The following NFATC3 variants were observed in gnomAD, a reference collection of about 807,000 sequenced individuals.
NFATC3 encodes the protein nuclear factor of activated T cells 3, also known as nuclear factor of activated T-cells, cytoplasmic 3.
Under a neutral mutation model 98.6 loss-of-function variants are expected in NFATC3, and 46 were observed. The ratio of observed to expected loss-of-function variants is 0.47; its 90% CI spans 0.37 to 0.60. NFATC3 has a LOEUF of 0.60. Among genes scored for constraint, NFATC3 ranks in the 20% least tolerant of loss-of-function variants. NFATC3 has a pLI of 0.00. For missense variants in NFATC3, 1,256 were observed against 1,295.5 expected, an observed-to-expected ratio of 0.97 and a Z score of 0.47; for synonymous variants, 512 against 472.2, an observed-to-expected ratio of 1.08 and a Z score of -1.09.
At chr16:68,133,884 TAA>T (rs529456671) in intron 3 of NFATC3, among the ~76,000 whole-genome samples, 3 of 147,144 alleles carry the variant, frequency 2.0e-5, no homozygotes, top group Non-Finnish European at 1.5e-5. Flanking sequence ...CCCTTTTTTT[TAA>T]AAAAAAAAAA....
chr16:68,150,088 T>C (rs752457191), intron 3 of NFATC3, among the ~76,000 whole-genome samples: 33 of 152,232 alleles, frequency 2.2e-4, no homozygotes, highest in Non-Finnish European at 7.3e-5. Flanking sequence ...GTATGAATTA[T>C]AATAAAGAAT....
At chr16:68,118,033 C>A (rs1040724959) in intron 1 of NFATC3, among the ~76,000 whole-genome samples, 6 of 152,122 alleles carry the variant, frequency 3.9e-5, no homozygotes, top group African/African-American at 1.4e-4. Context: ...CTAGCTCTAC[C>A]CTTTCAGTTG....
In NFATC3 at chr16:68,186,235, G is replaced by A. The variant is rs2040194938; in HGVS notation, c.2098+2869G>A. 2.0e-5 allele frequency among the ~76,000 whole-genome samples: 3 copies of A among 151,872 alleles called. No individual in the cohort carries two copies. In the South Asian group the frequency reaches 6.2e-4, roughly 32 times the overall value. On this transcript the variant is annotated intron_variant, in intron 8 of 9. Coordinates refer to ENST00000346183, the MANE Select transcript of NFATC3 (RefSeq NM_173165.3). ...CTGTAATTAAAAAAAAAAAAAGACAGGTGGAAAGACTATATTAAAACATTC... is the reference window on the plus strand; with the variant it reads ...CTGTAATTAAAAAAAAAAAAAGACAAGTGGAAAGACTATATTAAAACATTC...
intron 9 of NFATC3, among the ~76,000 whole-genome samples, chr16:68,224,306 T>G (rs1033596815): frequency 1.4e-5 from 2 of 144,418 alleles, no homozygotes; most frequent in Non-Finnish European, 3.0e-5. Context: ...AGACAGAGTC[T>G]CACTCTGTTG....
intron 6 of NFATC3, 88 bp downstream of exon 6, chr16:68,174,602 A>T: frequency 8.7e-7 from 1 of 1,155,314 alleles, no homozygotes; most frequent in Non-Finnish European, 1.1e-6. Flanking sequence ...AAAATTACAA[A>T]GTAGTTTTCA....
intron 5 of NFATC3, among the ~76,000 whole-genome samples, chr16:68,171,619 A>G (rs949468790): frequency 5.3e-5 from 8 of 151,572 alleles, no homozygotes; most frequent in African/African-American, 1.9e-4. Context: ...GATTACAGGC[A>G]TGCACCACTG....
chr16:68,150,248 A>G (rs1250525394), intron 3 of NFATC3, among the ~76,000 whole-genome samples: 1 of 152,056 alleles, frequency 6.6e-6, no homozygotes, highest in African/African-American at 2.4e-5. Context: ...CCATTTTGTA[A>G]TGCTACTTTA....
At position 68,190,910 on chromosome 16, in the gene NFATC3, G is replaced by A; in HGVS notation, c.2241G>A (p.Leu747=). The A allele has an allele frequency of 6.2e-7, 1 of 1,614,188 alleles. No homozygotes were observed. The change falls in exon 9 of 10, where the codon TTG becomes TTA. Residue 747 remains leucine, a synonymous_variant. Coordinates refer to ENST00000346183, the MANE Select transcript of NFATC3 (RefSeq NM_173165.3). ...HDSVLSGQRS[L]ICSIPQTYAS... Reference sequence around the variant, plus strand: ...GTGTACTGTCAGGACAGAGAAGTTTGATTTGCTCCATCCCACAAACATATG... The same window carrying A: ...GTGTACTGTCAGGACAGAGAAGTTTAATTTGCTCCATCCCACAAACATATG...
At chr16:68,163,674 C>T (rs1160176220) in intron 4 of NFATC3, among the ~76,000 whole-genome samples, 2 of 151,266 alleles carry the variant, frequency 1.3e-5, no homozygotes, top group East Asian at 2.0e-4. Flanking sequence ...AGGGTCTCCT[C>T]ACTTCTCTGA....
chr16:68,185,295 T>C (rs2040138326), intron 8 of NFATC3, among the ~76,000 whole-genome samples: 3 of 152,150 alleles, frequency 2.0e-5, no homozygotes, highest in Admixed American at 2.0e-4. Flanking sequence ...TAATTTTCTT[T>C]TTCCTCCCTT....
At chr16:68,138,832 T>C in intron 3 of NFATC3, 2 of 1,202,112 alleles carry the variant, frequency 1.7e-6, no homozygotes, top group Non-Finnish European at 2.1e-6. Context: ...CACACAGGAA[T>C]AAATCATGGC....
At chr16:68,220,757 CAAA>C (rs11372732) in intron 9 of NFATC3, among the ~76,000 whole-genome samples, 1 of 132,508 alleles carries the variant, frequency 7.5e-6, no homozygotes, top group Non-Finnish European at 1.6e-5. Context: ...AAAAAAAATA[CAAA>C]AAAAAAAAAA....
intron 1 of NFATC3, among the ~76,000 whole-genome samples, chr16:68,119,824 G>A (rs2036478229): frequency 6.6e-6 from 1 of 152,062 alleles, no homozygotes; most frequent in Non-Finnish European, 1.5e-5. Flanking sequence ...TTACCATGGT[G>A]TTTTTAGTAT....
At chr16:68,129,671 C>CTT (rs568596333) in intron 3 of NFATC3, among the ~76,000 whole-genome samples, 108 of 127,808 alleles carry the variant, frequency 8.5e-4, no homozygotes, top group African/African-American at 2.2e-3. Flanking sequence ...TGCTCCCCGC[C>CTT]TTTTTTTTTT....
chr16:68,217,944 C>T, intron 9 of NFATC3: 1 of 1,222,268 alleles, frequency 8.2e-7, no homozygotes, highest in Non-Finnish European at 1.0e-6. Flanking sequence ...ACCTCGATTA[C>T]TGTGGAAGAA....
At chr16:68,200,021 A>G (rs1168060778) in intron 9 of NFATC3, 1 of 151,836 alleles carries the variant, frequency 6.6e-6, no homozygotes, top group African/African-American at 2.4e-5. Context: ...AGTTCTAACT[A>G]CTCTTCTTGT....
At chr16:68,221,577 A>G in intron 9 of NFATC3, 1 of 1,106,794 alleles carries the variant, frequency 9.0e-7, no homozygotes, top group Non-Finnish European at 1.1e-6. Context: ...TCAGGGGAAA[A>G]CAAGATAGAG....
intron 4 of NFATC3, among the ~76,000 whole-genome samples, chr16:68,163,525 G>C (rs1161165285): frequency 6.6e-6 from 1 of 150,596 alleles, no homozygotes; most frequent in East Asian, 2.0e-4. Context: ...CGGACGGGGC[G>C]GCTGGCCTGG....
intron 3 of NFATC3, among the ~76,000 whole-genome samples, chr16:68,134,354 G>T (rs1370515500): frequency 1.3e-5 from 2 of 151,912 alleles, no homozygotes; most frequent in African/African-American, 4.8e-5. Flanking sequence ...TTTTAGACAG[G>T]GCCTCGCTAT....
Sources: allele counts gnomAD v4.1 joint callset (sites outside exome capture counted in the v4.1 genomes callset), GRCh38; gene constraint gnomAD v4.1.1; transcripts MANE v1.5; gene names NCBI Gene and HGNC (gene_info 2026-07-23, HGNC 2026-07-21).